Variants in CLASRP observed in about 807,000 individuals in gnomAD.
The protein encoded by CLASRP is CLK4-associating serine/arginine rich protein.
A neutral mutation model predicts 99.9 loss-of-function variants in CLASRP; 52 were observed. The ratio of observed to expected loss-of-function variants is 0.52; its 90% CI spans 0.42 to 0.66. CLASRP has a LOEUF of 0.66. CLASRP is among the 30% of genes least tolerant of loss of function. The probability of loss-of-function intolerance (pLI) is 0.00; values close to 1 mark genes in which losing one functional copy is unlikely to be tolerated. For synonymous variants in CLASRP, 379 were observed against 373.0 expected (o/e 1.02, Z -0.18); for missense variants, 848 against 999.2 (o/e 0.85, Z 2.04).
Position 45,063,933 on chromosome 19 carries a change from C to T in CLASRP, c.906-79C>T, listed in dbSNP as rs1967000915. On this transcript the variant is annotated intron_variant, in intron 11 of 20. Transcript: ENST00000221455. ...GTCGCTGTGGCCCGCGCTGGCGCTG[C>T]TGTTGATCTGCTGTGTGTGCTGTTC... is the stretch of plus-strand genomic sequence containing the variant. 2.0e-6 allele frequency: 3 copies of T among 1,491,708 alleles called. No homozygotes were observed. The East Asian group carries it at 7.4e-5, about 37-fold the overall frequency. The allele number at this position is 1,491,708 out of a possible 1,614,324, so 92.4% of individuals were successfully genotyped here.
chr19:45,064,657 G>A, intron 13 of CLASRP, 27 bp downstream of exon 13: 1 of 1,527,484 alleles, frequency 6.5e-7, no homozygotes, highest in Non-Finnish European at 8.8e-7. Flanking sequence ...GTGGAGGTGG[G>A]AGGGGCTGGG....
rs965504443 is a variant in CLASRP, at chr19:45,067,046, C to T, written c.1410-291C>T. Reference sequence around the variant, plus strand: ...GCCATCCCTCCCAGAGCTCACCTCCCGGGAAGTTAGCAAGCGGGTGTCTAG... The same window carrying T: ...GCCATCCCTCCCAGAGCTCACCTCCTGGGAAGTTAGCAAGCGGGTGTCTAG... On this transcript the variant is annotated intron_variant, in intron 13 of 20. Transcript: ENST00000221455. This position sits in a 1 kb window ranked among gnomAD's most constrained non-coding sequence, Gnocchi z 4.9. Among the ~76,000 whole-genome samples the T allele has an allele frequency of 8.5e-5, 13 of 152,168 alleles. No individual in the cohort carries two copies. The highest frequency in any genetic ancestry group is 2.6e-4 in the Admixed American group (4 of 15,278).
intron 13 of CLASRP, among the ~76,000 whole-genome samples, chr19:45,065,687 G>A (rs1967070513): frequency 6.6e-6 from 1 of 152,116 alleles, no homozygotes; most frequent in Non-Finnish European, 1.5e-5. Flanking sequence ...CTTGCCTGTT[G>A]GGGTCAGGGC....
intron 2 of CLASRP, among the ~76,000 whole-genome samples, chr19:45,048,786 G>A (rs1445469124): frequency 2.0e-5 from 3 of 152,034 alleles, no homozygotes; most frequent in Non-Finnish European, 4.4e-5. Context: ...AGGAGTTAGC[G>A]ACCAGCCTGG....
In CLASRP at chr19:45,060,595, G is replaced by A. The variant is rs573321643; in HGVS notation, c.831G>A (p.Lys277=). The A allele has an allele frequency of 6.2e-7, 1 of 1,610,470 alleles. No homozygotes were observed. Among genetic ancestry groups the A allele is most frequent in the Admixed American group, 1.7e-5 (1 of 59,706 alleles). Residue 277 remains lysine (K), a synonymous_variant, in exon 10 of 21, where the codon AAG becomes AAA. Coordinates refer to ENST00000221455, the MANE Select transcript of CLASRP (RefSeq NM_007056.3). This position sits in a 1 kb window ranked among gnomAD's most constrained non-coding sequence, Gnocchi z 4.6. ...SRRQRREFRE[K]RLRGRKISPP... ...GCCAGCGGAGAGAGTTTCGGGAGAA[G>A]CGGCTGAGGGGTCGCAAGATCAGCC...
intron 12 of CLASRP, 43 bp downstream of exon 12, chr19:45,064,270 T>C (rs749925188): frequency 2.0e-6 from 3 of 1,535,166 alleles, no homozygotes; most frequent in African/African-American, 2.7e-5. Flanking sequence ...CCGGTCACCA[T>C]GGGGGGTACC....
chr19:45,062,774 AAC>A (rs537356580), intron 11 of CLASRP, among the ~76,000 whole-genome samples: 131 of 152,338 alleles, frequency 8.6e-4, no homozygotes, highest in Non-Finnish European at 1.4e-3. Context: ...AATATGGCAA[AAC>A]AGTGTGACTG....
intron 2 of CLASRP, among the ~76,000 whole-genome samples, chr19:45,043,253 A>G (rs1723037332): frequency 6.8e-6 from 1 of 147,158 alleles, no homozygotes; most frequent in Admixed American, 7.0e-5. Context: ...TCTACTACAA[A>G]TACAAAAAAT....
rs750464070 is a variant in CLASRP, at chr19:45,057,782, C to T, written c.497C>T (p.Thr166Ile). ...LAEKKASIGY[T>I]YEDSTVAEVE... is the part of the protein sequence containing the mutation. The stretch of plus-strand genomic sequence containing the variant: ...GAGAAGAAGGCTTCCATCGGTTATA[C>T]CTACGAGGACAGCACGGTGGCCGAG... The change falls in exon 7 of 21, where the codon ACC becomes ATC. Residue 166 changes from threonine (T) to isoleucine (I), a missense_variant. Transcript: ENST00000221455. 5 of 1,614,030 alleles carry T rather than the reference C, an allele frequency of 3.1e-6. No homozygotes were observed.
rs1966951398 is a variant in CLASRP, at chr19:45,062,085, C to T, written c.864-69C>T. The stretch of plus-strand genomic sequence containing the variant: ...AGCTTTGGGTCCTCAGGTTGGCGGG[C>T]TTATCCCAAATTCATGACTGCTGAG... On this transcript the variant is annotated intron_variant, in intron 10 of 20. Transcript: ENST00000221455. 9.4e-6 allele frequency: 9 copies of T among 955,150 alleles called. 1 individual carries two copies. The Admixed American group carries it at 1.2e-4, about 13-fold the overall frequency. 59.2% of individuals were successfully genotyped at this position (955,150 alleles called of 1,614,324 possible).
chr19:45,064,746 TA>T, intron 13 of CLASRP, 116 bp downstream of exon 13: 1 of 1,436,640 alleles, frequency 7.0e-7, no homozygotes, highest in Non-Finnish European at 9.1e-7. Context: ...ACACCCCATC[TA>T]AGGGGACAGG....
rs1442376042 is a variant in CLASRP, at chr19:45,067,489, G to A, written c.1562G>A (p.Ser521Asn). The A allele has an allele frequency of 1.3e-6, 2 of 1,567,154 alleles. No individual in the cohort carries two copies. Among genetic ancestry groups the A allele is most frequent in the African/African-American group, 1.4e-5 (1 of 72,626 alleles). ...AGCCATAGCCCCAGCCCCAGCCAGA[G>A]CCGCAGCCGCAGCCGCAGCCGCAGC... Reference protein sequence around the residue: ...SRSHSPSPSQSRSRSRSRSQS... With the variant: ...SRSHSPSPSQNRSRSRSRSQS... Residue 521 changes from serine (S) to asparagine (N), a missense_variant, in exon 14 of 21, where the codon AGC (serine) becomes AAC (asparagine). By Grantham distance (46) the Ser-to-Asn change is conservative. Around this residue, in one of 8 missense-constraint regions of CLASRP, gnomAD observed 489 missense variants for 434.7 expected, o/e 1.12. Transcript: ENST00000221455. This position sits in a 1 kb window ranked among gnomAD's most constrained non-coding sequence, Gnocchi z 4.9.
In CLASRP at chr19:45,064,228, G is replaced by A. The variant is rs747358147; in HGVS notation, c.1121+1G>A. On this transcript the variant is annotated splice_donor_variant, in intron 12 of 20. Transcript: ENST00000221455. LOFTEE classifies it high-confidence loss of function. ...CCCCGGGACGTAATGCCAGCGCCCGGTCGGTAACGCTCACGCCGCCCGCCC... is the reference window on the plus strand; with the variant it reads ...CCCCGGGACGTAATGCCAGCGCCCGATCGGTAACGCTCACGCCGCCCGCCC... 1.3e-6 allele frequency: 2 copies of A among 1,586,366 alleles called. No homozygotes were observed. The highest frequency in any genetic ancestry group is 2.7e-5 in the African/African-American group (2 of 74,532).
intron 2 of CLASRP, 172 bp downstream of exon 2, chr19:45,040,483 C>T (rs1971791140): frequency 1.9e-6 from 1 of 534,108 alleles, no homozygotes; most frequent in Non-Finnish European, 3.4e-6. Context: ...CCAAGGGCTT[C>T]TGTTTGTTGT....
Position 45,060,742 on chromosome 19 carries a change from T to TCA in CLASRP, c.863+115_863+116insCA. 6 of 813,920 alleles carry TCA rather than the reference T, an allele frequency of 7.4e-6. No homozygotes were observed. The highest frequency in any genetic ancestry group is 1.8e-5 in the South Asian group (1 of 55,364). The allele number at this position is 813,920 out of a possible 1,614,324, so 50.4% of individuals were successfully genotyped here. A position where few individuals can be genotyped will look rare whatever the true frequency, so the allele number is the denominator to read the frequency against. On this transcript the variant is annotated intron_variant, in intron 10 of 20. Coordinates refer to ENST00000221455, the MANE Select transcript of CLASRP (RefSeq NM_007056.3). This position sits in a 1 kb window ranked among gnomAD's most constrained non-coding sequence, Gnocchi z 4.6. The stretch of plus-strand genomic sequence containing the variant: ...ATTTGACTTGAGAAAGGAGTCTTTC[T>TCA]AGTGGGGCGATGCATGGCCATCGTG...
rs559278022 is a variant in CLASRP at position 45,067,896 on chromosome 19, G to C, written c.1668-119G>C. 1 of 790,574 alleles carries C rather than the reference G, an allele frequency of 1.3e-6. No individual in the cohort carries two copies. The highest frequency in any genetic ancestry group is 1.9e-5 in the Admixed American group (1 of 52,228). The allele number at this position is 790,574 out of a possible 1,614,324, so 49.0% of individuals were successfully genotyped here. The stretch of plus-strand genomic sequence containing the variant: ...CTGAGAGGGACATGGTTGCACCCTG[G>C]GGCATCTGAGGCCCATGCCTTGGCT... On this transcript the variant is annotated intron_variant, in intron 14 of 20. Transcript: ENST00000221455. This position sits in a 1 kb window ranked among gnomAD's most constrained non-coding sequence, Gnocchi z 4.9.
In CLASRP at chr19:45,057,003, G is replaced by A. The variant is rs7256080; in HGVS notation, c.464+469G>A. Among the ~76,000 whole-genome samples, 395 of 152,280 alleles carry A rather than the reference G, an allele frequency of 2.6e-3. 1 individual carries two copies. The highest frequency in any genetic ancestry group is 8.0e-3 in the African/African-American group (334 of 41,546). On this transcript the variant is annotated intron_variant, in intron 6 of 20. Coordinates refer to ENST00000221455, the MANE Select transcript of CLASRP (RefSeq NM_007056.3). Reference sequence around the variant, plus strand: ...CTCTGGAGAGAGGCTTCTTAAAGCCGCGTCCCTCAAGGAGTAGCTGGGGAG... The same window carrying A: ...CTCTGGAGAGAGGCTTCTTAAAGCCACGTCCCTCAAGGAGTAGCTGGGGAG...
Position 45,064,017 on chromosome 19 carries a change from C to T in CLASRP, c.911C>T (p.Pro304Leu). 2.5e-6 allele frequency: 4 copies of T among 1,610,122 alleles called. No individual in the cohort carries two copies. The highest frequency in any genetic ancestry group is 1.7e-6 in the Non-Finnish European group (2 of 1,178,736). Residue 304 changes from proline (P) to leucine (L), a missense_variant, in exon 12 of 21, where the codon CCC becomes CTC. By Grantham distance (98) the Pro-to-Leu change is moderately conservative. Transcript: ENST00000221455. ...CTCCTCCTCCCTACCCGCAGGTCAC[C>T]CTCGGAGTCCAGCTCAGAGTCCCGC... is the stretch of plus-strand genomic sequence containing the variant. Reference protein sequence around the residue: ...SPTYDPYKRSPSESSSESRSR... With the variant: ...SPTYDPYKRSLSESSSESRSR...
intron 6 of CLASRP, among the ~76,000 whole-genome samples, chr19:45,057,142 A>G (rs956875885): frequency 6.6e-6 from 1 of 152,110 alleles, no homozygotes; most frequent in African/African-American, 2.4e-5. Context: ...CACACACGCT[A>G]TTCCCTCTGC....
Sources: allele counts gnomAD v4.1 joint callset (sites outside exome capture counted in the v4.1 genomes callset), GRCh38; gene constraint gnomAD v4.1.1; regional missense constraint gnomAD v4.1.1; non-coding constraint Gnocchi (gnomAD v3.1); transcripts MANE v1.5; gene names NCBI Gene and HGNC (gene_info 2026-07-23, HGNC 2026-07-21).